Variants in HEATR6 observed in about 807,000 individuals in gnomAD.
HEATR6 encodes HEAT repeat containing 6.
Under a neutral mutation model 132.8 loss-of-function variants are expected in HEATR6, and 106 were observed. The observed-to-expected ratio is 0.80, with a 90% CI of 0.68 to 0.94. The LOEUF (loss-of-function observed/expected upper bound fraction) is 0.94. Among genes scored for constraint, HEATR6 ranks in the 40% least tolerant of loss-of-function variants. The probability of loss-of-function intolerance (pLI) is 0.00; values close to 1 mark genes in which losing one functional copy is unlikely to be tolerated. For synonymous variants in HEATR6, 529 were observed against 537.8 expected (o/e 0.98, Z 0.23); for missense variants, 1,339 against 1,425.1 (o/e 0.94, Z 0.97).
rs375224986 is a variant in HEATR6, at chr17:60,059,430, C to T, written c.1715G>A (p.Arg572His). 5.0e-5 allele frequency: 81 copies of T among 1,607,930 alleles called. No homozygotes were observed. Among genetic ancestry groups the T allele is most frequent in the Non-Finnish European group, 5.5e-5 (65 of 1,175,794 alleles). Residue 572 changes from arginine to histidine, a missense_variant, in exon 11 of 20, where the codon CGC becomes CAC. Coordinates refer to ENST00000184956, the MANE Select transcript of HEATR6 (RefSeq NM_022070.5). ...KVWNQIKPYI[R>H]HKDVNVRVSS... Reference sequence around the variant, plus strand: ...TTTAAGCCACTACAAACCTTTGTGGCGAATATAAGGCTTTATCTGGTTCCA... The same window carrying T: ...TTTAAGCCACTACAAACCTTTGTGGTGAATATAAGGCTTTATCTGGTTCCA...
chr17:60,077,548 T>C (rs1250854751), intron 1 of HEATR6, among the ~76,000 whole-genome samples: 1 of 152,262 alleles, frequency 6.6e-6, no homozygotes, highest in African/African-American at 2.4e-5. Flanking sequence ...CCTTTTACTT[T>C]GCATATATAA....
chr17:60,075,719 C>T (rs1235405987), intron 2 of HEATR6: 1 of 152,030 alleles, frequency 6.6e-6, no homozygotes, highest in Non-Finnish European at 1.5e-5. Context: ...TGGCGGGTGC[C>T]TGTAGTCCCA....
rs547593283 is a variant in HEATR6 at position 60,043,757 on chromosome 17, C to G, written c.3352G>C (p.Asp1118His). 4 of 1,614,202 alleles carry G rather than the reference C, an allele frequency of 2.5e-6. No individual in the cohort carries two copies. The South Asian group carries it at 4.4e-5, about 18-fold the overall frequency. Residue 1118 changes from aspartate to histidine, a missense_variant, in exon 20 of 20, where the codon GAC (aspartate) becomes CAC (histidine). Coordinates refer to ENST00000184956, the MANE Select transcript of HEATR6 (RefSeq NM_022070.5). ...TGTGGGCTGTGGGGTGCTCCAGTGTCATCTCCCTCTGCTCCTGATTTTAAA... is the reference window on the plus strand; with the variant it reads ...TGTGGGCTGTGGGGTGCTCCAGTGTGATCTCCCTCTGCTCCTGATTTTAAA... ...QFLKSGAEGD[D>H]TGAPHSPQER...
At chr17:60,066,032 G>A (rs1486107937) in intron 9 of HEATR6, among the ~76,000 whole-genome samples, 177 bp downstream of exon 9, 1 of 152,242 alleles carries the variant, frequency 6.6e-6, no homozygotes, top group African/African-American at 2.4e-5. Flanking sequence ...ATCAGCCTCA[G>A]TGTATTATTC....
At chr17:60,060,695 T>C (rs2083205836) in intron 9 of HEATR6, among the ~76,000 whole-genome samples, 1 of 152,206 alleles carries the variant, frequency 6.6e-6, no homozygotes, top group Admixed American at 6.5e-5. Context: ...CTGAAGTATG[T>C]GTGTTCAATG....
intron 11 of HEATR6, among the ~76,000 whole-genome samples, chr17:60,057,934 T>C (rs1016225317): frequency 7.2e-5 from 11 of 152,132 alleles, no homozygotes; most frequent in African/African-American, 2.7e-4. Context: ...TTTATGTGGG[T>C]CTATTTCTGG....
intron 18 of HEATR6, among the ~76,000 whole-genome samples, 166 bp downstream of exon 18, chr17:60,047,143 T>C (rs1906394558): frequency 6.6e-6 from 1 of 152,098 alleles, no homozygotes; most frequent in Non-Finnish European, 1.5e-5. Flanking sequence ...ACCATACACG[T>C]GTGGAATGGG....
chr17:60,063,251 A>C (rs1467447840), intron 9 of HEATR6: 1 of 152,192 alleles, frequency 6.6e-6, no homozygotes, highest in African/African-American at 2.4e-5. Context: ...CACTTTTTAT[A>C]GTTATCTGAA....
Position 60,047,360 on chromosome 17 carries a change from CAGG to C in HEATR6, c.2715_2717del (p.Leu908del), listed in dbSNP as rs1248108891. The stretch of plus-strand genomic sequence containing the variant: ...TAGCTGATCGTAACATTTTCAAGAG[CAGG>C]AGACCAGAGAACTCTTCCTGGAAAC... On this transcript the variant is annotated inframe_deletion, in exon 18 of 20. Transcript: ENST00000184956. The C allele has an allele frequency of 2.2e-5, 36 of 1,613,184 alleles. No individual in the cohort carries two copies. Among genetic ancestry groups the C allele is most frequent in the Non-Finnish European group, 3.1e-5 (36 of 1,179,638 alleles).
At chr17:60,073,125 A>G (rs199714685) in intron 4 of HEATR6, 39 bp downstream of exon 4, 7 of 1,221,030 alleles carry the variant, frequency 5.7e-6, no homozygotes, top group South Asian at 1.2e-5. Context: ...TAGAGGCACT[A>G]TCTTATTACC....
intron 19 of HEATR6, among the ~76,000 whole-genome samples, chr17:60,044,820 G>A (rs1449954176): frequency 6.6e-6 from 1 of 152,158 alleles, no homozygotes; most frequent in Non-Finnish European, 1.5e-5. Flanking sequence ...TGTTGCCTCT[G>A]AAGACCGGCA....
intron 11 of HEATR6, among the ~76,000 whole-genome samples, chr17:60,057,879 T>C (rs1222693095): frequency 5.3e-5 from 8 of 152,122 alleles, no homozygotes; most frequent in Non-Finnish European, 8.8e-5. Flanking sequence ...CCAGCACCAA[T>C]TGTTGAAAAG....
chr17:60,078,661 G>T, intron 1 of HEATR6, 35 bp downstream of exon 1: 1 of 1,502,692 alleles, frequency 6.7e-7, no homozygotes, highest in Admixed American at 2.0e-5. Context: ...GGAGGGGTGG[G>T]GCCGGGGCCG....
At chr17:60,055,667 C>T in intron 13 of HEATR6, 66 bp from the exon 14 acceptor site, 1 of 1,098,750 alleles carries the variant, frequency 9.1e-7, no homozygotes, top group Non-Finnish European at 1.4e-6. Context: ...TTGAGTAACA[C>T]CTTCACTCTA....
In HEATR6 at chr17:60,059,870, A is replaced by G. The variant is rs781013343; in HGVS notation, c.1623+20T>C. The G allele has an allele frequency of 1.3e-6, 2 of 1,590,296 alleles. No homozygotes were observed. The highest frequency in any genetic ancestry group is 1.1e-5 in the South Asian group (1 of 90,596). On this transcript the variant is annotated intron_variant, in intron 10 of 19. Transcript: ENST00000184956. ...TTAAAACAGAGAAGCCTGCTCTGGA[A>G]CCCACAGTTGGTACATTACCTTAAT...
chr17:60,076,765 A>G (rs2083299313), intron 1 of HEATR6: 1 of 152,316 alleles, frequency 6.6e-6, no homozygotes. Context: ...CAGGCTGAAG[A>G]CTCTGTGCTC....
intron 12 of HEATR6, among the ~76,000 whole-genome samples, chr17:60,056,836 A>T (rs1033648881): frequency 2.6e-5 from 4 of 152,248 alleles, no homozygotes; most frequent in African/African-American, 9.6e-5. Flanking sequence ...TTTGCAATCA[A>T]AGAACAAAAA....
At chr17:60,077,379 C>T (rs1200072703) in intron 1 of HEATR6, among the ~76,000 whole-genome samples, 3 of 152,132 alleles carry the variant, frequency 2.0e-5, no homozygotes, top group Admixed American at 6.5e-5. Flanking sequence ...TTTTAAATGG[C>T]TGCACACAGG....
chr17:60,075,883 A>T, intron 2 of HEATR6: 1 of 267,270 alleles, frequency 3.7e-6, no homozygotes, highest in Non-Finnish European at 7.0e-6. Context: ...GGGGGGCCTG[A>T]ATGATATTGG....
Sources: allele counts gnomAD v4.1 joint callset (sites outside exome capture counted in the v4.1 genomes callset), GRCh38; gene constraint gnomAD v4.1.1; transcripts MANE v1.5; gene names NCBI Gene and HGNC (gene_info 2026-07-23, HGNC 2026-07-21).